ABCC10: variants seen among roughly 807,000 people sequenced by gnomAD.
ABCC10 encodes the protein ATP-binding cassette sub-family C member 10.
Under a neutral mutation model 143.2 loss-of-function variants are expected in ABCC10, and 110 were observed. That is an observed-to-expected ratio of 0.77 (90% CI 0.66 to 0.90). The LOEUF is 0.90. ABCC10 is among the 40% of genes least tolerant of loss of function. The probability of loss-of-function intolerance (pLI) is 0.00; values close to 1 mark genes in which losing one functional copy is unlikely to be tolerated. For synonymous variants in ABCC10, 805 were observed against 846.7 expected (o/e 0.95, Z 0.85); for missense variants, 1,700 against 1,900.5 (o/e 0.89, Z 1.96).
In ABCC10 at chr6:43,432,129, C is replaced by T. The variant is rs774212549; in HGVS notation, c.162-13C>T. 4 of 1,612,968 alleles carry T rather than the reference C, an allele frequency of 2.5e-6. No homozygotes were observed. The highest frequency in any genetic ancestry group is 3.4e-6 in the Non-Finnish European group (4 of 1,179,252). ...GCCACGATGTGCCTCCTTGTCTTCC[C>T]CCTTGTCCCCAGGAGTCCAGATTAC... On this transcript the variant is annotated splice_polypyrimidine_tract_variant and intron_variant, in intron 2 of 21. Transcript: ENST00000372530.
chr6:43,445,954 A>C lies in ABCC10; in HGVS notation c.3374+12A>C, dbSNP rs1783021586. ...GGGGCCACCTACAGGTGTGTGAACC[A>C]GAGCCCAGGGGGATGAGGTGTTGGG... On this transcript the variant is annotated intron_variant, in intron 15 of 21. Coordinates refer to ENST00000372530, the MANE Select transcript of ABCC10 (RefSeq NM_001198934.2). 1 of 1,605,776 alleles carries C rather than the reference A, an allele frequency of 6.2e-7. No homozygotes were observed. Among genetic ancestry groups the C allele is most frequent in the African/African-American group, 1.3e-5 (1 of 74,718 alleles).
intron 3 of ABCC10, 101 bp from the exon 4 acceptor site, chr6:43,434,513 GGAGCTTA>G: frequency 1.0e-6 from 1 of 990,534 alleles, no homozygotes; most frequent in Non-Finnish European, 1.5e-6. Context: ...AGAGTATCTG[GGAGCTTA>G]GAGTACTGAA....
At chr6:43,434,016 C>G (rs753359652) in intron 3 of ABCC10, among the ~76,000 whole-genome samples, 1 of 152,252 alleles carries the variant, frequency 6.6e-6, no homozygotes, top group Non-Finnish European at 1.5e-5. Flanking sequence ...GCTCAGAGTG[C>G]TCCTGGAGGG....
In ABCC10 at chr6:43,444,367, T is replaced by G; in HGVS notation, c.2689+14T>G. ...TTCTCATGCAAGGTGAGAGCGTGCC[T>G]GGGAGTCTCTTACATCGTAACGGCT... is the stretch of plus-strand genomic sequence containing the variant. On this transcript the variant is annotated intron_variant, in intron 12 of 21. Transcript: ENST00000372530. 1.3e-6 allele frequency: 2 copies of G among 1,588,472 alleles called. No individual in the cohort carries two copies. Among genetic ancestry groups the G allele is most frequent in the South Asian group, 2.3e-5 (2 of 87,242 alleles).
Position 43,438,764 on chromosome 6 carries a change from T to G in ABCC10, c.2096T>G (p.Leu699Arg). 3 of 1,614,200 alleles carry G rather than the reference T, an allele frequency of 1.9e-6. No individual in the cohort carries two copies. The highest frequency in any genetic ancestry group is 2.5e-6 in the Non-Finnish European group (3 of 1,180,034). ...TFDAQLYKEV[L>R]EACALNDDLS... The stretch of plus-strand genomic sequence containing the variant: ...GATGCACAGCTGTACAAGGAGGTGC[T>G]AGAAGCCTGCGCCCTCAATGATGAC... Residue 699 changes from leucine (L) to arginine (R), a missense_variant, in exon 8 of 22, where the codon CTA (leucine) becomes CGA (arginine). Coordinates refer to ENST00000372530, the MANE Select transcript of ABCC10 (RefSeq NM_001198934.2).
At position 43,449,984 on chromosome 6, in the gene ABCC10, G is replaced by A; in HGVS notation, c.4372G>A (p.Val1458Ile). 6.2e-7 allele frequency: 1 copy of A among 1,613,888 alleles called. No individual in the cohort carries two copies. Residue 1458 changes from valine to isoleucine, a missense_variant, in exon 22 of 22, where the codon GTA (valine) becomes ATA (isoleucine). Transcript: ENST00000372530. ...RVLVLQAGRV[V>I]ELDSPATLRN... Reference sequence around the variant, plus strand: ...GCTGGTGCTACAAGCGGGGAGAGTGGTAGAGCTGGACTCCCCGGCCACCCT... The same window carrying A: ...GCTGGTGCTACAAGCGGGGAGAGTGATAGAGCTGGACTCCCCGGCCACCCT...
intron 14 of ABCC10, 92 bp downstream of exon 14, chr6:43,445,406 G>C (rs1191089854): frequency 4.9e-6 from 7 of 1,439,342 alleles, no homozygotes; most frequent in Middle Eastern, 4.4e-4. Flanking sequence ...GGATGGGAGA[G>C]TCTTTCCTGC....
At chr6:43,447,169 G>A (rs927132118) in intron 16 of ABCC10, 79 bp from the exon 17 acceptor site, 1 of 1,504,516 alleles carries the variant, frequency 6.6e-7, no homozygotes, top group Non-Finnish European at 9.0e-7. Context: ...TTAAATGCCA[G>A]CAGTCCACAG....
chr6:43,446,291 AC>A lies in ABCC10; in HGVS notation c.3391del (p.Leu1131CysfsTer6). 2 of 1,613,718 alleles carry A rather than the reference AC, an allele frequency of 1.2e-6. No homozygotes were observed. The highest frequency in any genetic ancestry group is 1.7e-6 in the Non-Finnish European group (2 of 1,179,798). ...GCCTTCCCTAGGTTTGAGGAGGAGA[AC>A]CTGCGACTCCTTGAGCTAAACCAGA... ...TGATYRFEEE[N>X]LRLLELNQRC... is the part of the protein sequence containing the mutation. On this transcript the variant is annotated frameshift_variant, in exon 16 of 22. Coordinates refer to ENST00000372530, the MANE Select transcript of ABCC10 (RefSeq NM_001198934.2). LOFTEE classifies it high-confidence loss of function.
rs374368930 is a variant in ABCC10, at chr6:43,449,169, T to C, written c.4168T>C (p.Leu1390=). 5 of 1,613,846 alleles carry C rather than the reference T, an allele frequency of 3.1e-6. No homozygotes were observed. In the African/African-American group the frequency reaches 5.3e-5, roughly 17 times the overall value. The change falls in exon 20 of 22, where the codon TTG becomes CTG. Residue 1390 remains leucine (L), a synonymous_variant. Transcript: ENST00000372530. ...CTTATCTCTTGGGCAGAGGCAGCTG[T>C]TGTGTTTGGCCAGGGCTCTCCTCAC... ...RSLSLGQRQL[L]CLARALLTDA... is the part of the protein sequence containing the mutation.
At position 43,446,442 on chromosome 6, in the gene ABCC10, C is replaced by T. The variant is rs770171491; in HGVS notation, c.3540C>T (p.Asn1180=). ...TGCAGCACCAGCAGGGCCTCGCTAA[C>T]CCAGGTGCCACCCAGGACCCCTCAC... ...ALVQHQQGLA[N]PGLVGLSLSY... Residue 1180 remains asparagine, a synonymous_variant, in exon 16 of 22, where the codon AAC becomes AAT. Coordinates refer to ENST00000372530, the MANE Select transcript of ABCC10 (RefSeq NM_001198934.2). The T allele has an allele frequency of 5.0e-6, 8 of 1,610,130 alleles. No homozygotes were observed. The highest frequency in any genetic ancestry group is 1.1e-5 in the South Asian group (1 of 90,936).
chr6:43,433,826 C>G (rs1285491297), intron 3 of ABCC10, among the ~76,000 whole-genome samples: 4 of 152,200 alleles, frequency 2.6e-5, no homozygotes, highest in African/African-American at 9.7e-5. Context: ...CCTCAGCTGC[C>G]TCTTTGGGTA....
At chr6:43,429,462 T>C (rs933469477) in intron 2 of ABCC10, among the ~76,000 whole-genome samples, 14 of 149,246 alleles carry the variant, frequency 9.4e-5, no homozygotes, top group Non-Finnish European at 1.9e-4. Flanking sequence ...AGGCAGCGTC[T>C]CCCTCTGTTG....
In ABCC10 at chr6:43,432,770, C is replaced by T. The variant is rs758078941; in HGVS notation, c.790C>T (p.Gln264Ter). The stretch of plus-strand genomic sequence containing the variant: ...GCCAACCTACCTGGCTCGTGTCTTC[C>T]AGGCACACTGGCAGGAGGGGGCACG... ...LQPTYLARVF[Q>*]AHWQEGARLW... is the part of the protein sequence containing the mutation. The change falls in exon 3 of 22, where the codon CAG becomes TAG. Residue 264 changes from glutamine to a stop codon, truncating the protein, a stop_gained. Coordinates refer to ENST00000372530, the MANE Select transcript of ABCC10 (RefSeq NM_001198934.2). LOFTEE classifies it high-confidence loss of function. 7 of 1,614,104 alleles carry T rather than the reference C, an allele frequency of 4.3e-6. No homozygotes were observed. The highest frequency in any genetic ancestry group is 1.3e-5 in the African/African-American group (1 of 74,934).
chr6:43,443,923 T>C lies in ABCC10; in HGVS notation c.2417-10T>C, dbSNP rs373013794. ...ACAGTCCTCTCCCAATCTCCCCTTC[T>C]ACCCTCCAGGACCTCCCTCTGAGAT... On this transcript the variant is annotated splice_polypyrimidine_tract_variant and intron_variant, in intron 10 of 21. Coordinates refer to ENST00000372530, the MANE Select transcript of ABCC10 (RefSeq NM_001198934.2). The surrounding 1 kb of genome is among the most constrained non-coding windows in gnomAD (Gnocchi z 4.2). The C allele has an allele frequency of 1.2e-6, 2 of 1,610,784 alleles. No homozygotes were observed. Among genetic ancestry groups the C allele is most frequent in the South Asian group, 2.2e-5 (2 of 91,004 alleles).
Position 43,432,312 on chromosome 6 carries a change from C to T in ABCC10, c.332C>T (p.Ala111Val), listed in dbSNP as rs1279061640. ...TTGGCAGGGTGCGTGGCAGCTGTGG[C>T]CTGGATCAGCCACAGCCTGGCCCTG... ...EVLAGCVAAVAWISHSLALWV... is the reference protein window; with the variant it reads ...EVLAGCVAAVVWISHSLALWV... The change falls in exon 3 of 22, where the codon GCC becomes GTC. Residue 111 changes from alanine (A) to valine (V), a missense_variant. By Grantham distance (64) the Ala-to-Val change is moderately conservative. Transcript: ENST00000372530. 2 of 1,614,098 alleles carry T rather than the reference C, an allele frequency of 1.2e-6. No individual in the cohort carries two copies. Among genetic ancestry groups the T allele is most frequent in the Non-Finnish European group, 1.7e-6 (2 of 1,180,014 alleles).
intron 14 of ABCC10, 81 bp from the exon 15 acceptor site, chr6:43,445,518 C>T (rs1782955873): frequency 7.1e-7 from 1 of 1,409,090 alleles, no homozygotes; most frequent in South Asian, 1.3e-5. Context: ...GCCTTCCCCT[C>T]CACCCCACCT....
At chr6:43,439,708 C>T (rs1211336943) in intron 8 of ABCC10, among the ~76,000 whole-genome samples, 11 of 151,906 alleles carry the variant, frequency 7.2e-5, no homozygotes, top group African/African-American at 2.2e-4. Context: ...CTCAGCCTCT[C>T]GAGTAGCTGG....
Position 43,432,171 on chromosome 6 carries a change from C to A in ABCC10, c.191C>A (p.Pro64His). The change falls in exon 3 of 22, where the codon CCT becomes CAT. Residue 64 changes from proline to histidine, a missense_variant. Pro to His is a moderately conservative substitution (Grantham distance 77). Coordinates refer to ENST00000372530, the MANE Select transcript of ABCC10 (RefSeq NM_001198934.2). Reference sequence around the variant, plus strand: ...CCAGATTACATCCTACCCTGCAGTCCTGGATGGCGCCTCCGACTTGCAGCT... The same window carrying A: ...CCAGATTACATCCTACCCTGCAGTCATGGATGGCGCCTCCGACTTGCAGCT... Reference protein sequence around the residue: ...RSPDYILPCSPGWRLRLAASF... With the variant: ...RSPDYILPCSHGWRLRLAASF... 6.2e-7 allele frequency: 1 copy of A among 1,614,228 alleles called. No homozygotes were observed. The highest frequency in any genetic ancestry group is 8.5e-7 in the Non-Finnish European group (1 of 1,180,032).
Sources: gnomAD v4.1 joint callset for allele counts (sites outside exome capture counted in the v4.1 genomes callset) on GRCh38, gnomAD v4.1.1 for gene constraint, Gnocchi (gnomAD v3.1) non-coding constraint, MANE v1.5 for transcripts, NCBI Gene and HGNC (gene_info 2026-07-23, HGNC 2026-07-21) for gene names.